Variants in TPST1 observed in about 807,000 individuals in gnomAD.
TPST1 encodes the protein protein-tyrosine sulfotransferase 1.
Under a neutral mutation model 34.8 loss-of-function variants are expected in TPST1, and 20 were observed. The ratio of observed to expected loss-of-function variants is 0.57; its 90% CI spans 0.40 to 0.84. The LOEUF (loss-of-function observed/expected upper bound fraction) is 0.84, where lower values mean the gene tolerates loss of function less well. TPST1 is among the 40% of genes least tolerant of loss of function. The probability of loss-of-function intolerance (pLI) is 0.00; values close to 1 mark genes in which losing one functional copy is unlikely to be tolerated. For missense variants in TPST1, 353 were observed against 455.5 expected, an observed-to-expected ratio of 0.78 and a Z score of 2.05; for synonymous variants, 152 against 159.4, an observed-to-expected ratio of 0.95 and a Z score of 0.35.
intron 1 of TPST1, among the ~76,000 whole-genome samples, chr7:66,217,203 C>G (rs943326126): frequency 2.6e-5 from 4 of 152,062 alleles, no homozygotes; most frequent in South Asian, 2.1e-4. Flanking sequence ...TTTGTTAGAT[C>G]TAGTTGATTT....
At chr7:66,309,039 A>G (rs1484171518) in intron 3 of TPST1, among the ~76,000 whole-genome samples, 1 of 152,174 alleles carries the variant, frequency 6.6e-6, no homozygotes, top group Non-Finnish European at 1.5e-5. Context: ...CTGGGATTAC[A>G]GGTGCCCGAC....
At chr7:66,275,003 G>A (rs1265844363) in intron 2 of TPST1, among the ~76,000 whole-genome samples, 2 of 152,034 alleles carry the variant, frequency 1.3e-5, no homozygotes, top group Non-Finnish European at 2.9e-5. Flanking sequence ...GACCATGCTG[G>A]CTAACACGGT....
chr7:66,324,939 T>TA (rs1210004871), intron 3 of TPST1, among the ~76,000 whole-genome samples: 1 of 152,194 alleles, frequency 6.6e-6, no homozygotes, highest in Non-Finnish European at 1.5e-5. Flanking sequence ...TTCTTTCTTA[T>TA]ATCAAAGTCT....
upstream of TPST1, among the ~76,000 whole-genome samples, chr7:66,201,804 G>A (rs997470026): frequency 6.7e-6 from 1 of 148,856 alleles, no homozygotes; most frequent in African/African-American, 2.5e-5. Flanking sequence ...AGTGAGCTAT[G>A]ACTATGCCAC....
intron 2 of TPST1, among the ~76,000 whole-genome samples, chr7:66,257,401 A>G (rs996706120): frequency 1.3e-5 from 2 of 152,234 alleles, no homozygotes; most frequent in East Asian, 1.9e-4. Flanking sequence ...CAGAAGTGTT[A>G]CTAGTCCATA....
chr7:66,240,203 A>G (rs765800472), intron 1 of TPST1, 122 bp from the exon 2 acceptor site: 11 of 582,032 alleles, frequency 1.9e-5, no homozygotes, highest in Non-Finnish European at 3.1e-5. Context: ...TTGTTTTAAG[A>G]ATATCAAAGA....
At chr7:66,282,966 T>C (rs2115905580) in intron 2 of TPST1, among the ~76,000 whole-genome samples, 1 of 152,310 alleles carries the variant, frequency 6.6e-6, no homozygotes, top group African/African-American at 2.4e-5. Context: ...CCTCACTTGC[T>C]ATTCTCTAAC....
At chr7:66,315,848 C>T (rs1298114133) in intron 3 of TPST1, among the ~76,000 whole-genome samples, 1 of 152,130 alleles carries the variant, frequency 6.6e-6, no homozygotes, top group African/African-American at 2.4e-5. Flanking sequence ...CGGTAGCACA[C>T]GCCTGTAATC....
intron 1 of TPST1, among the ~76,000 whole-genome samples, chr7:66,237,134 G>A (rs1789927646): frequency 6.6e-6 from 1 of 151,918 alleles, no homozygotes; most frequent in African/African-American, 2.4e-5. Context: ...CCTCTCACTC[G>A]CCTCCCACCT....
In TPST1 at chr7:66,251,170, A is replaced by G. The variant is rs142322275; in HGVS notation, c.845+9900A>G. Among the ~76,000 whole-genome samples the G allele has an allele frequency of 2.1e-3, 313 of 152,350 alleles. 1 individual carries two copies. The highest frequency in any genetic ancestry group is 6.9e-3 in the African/African-American group (286 of 41,586). ...ATAGGGTTGTCGTGAGGATTTAGTT[A>G]GAATGACTATAAAGCCCTTAGCCAA... On this transcript the variant is annotated intron_variant, in intron 2 of 5. Transcript: ENST00000304842.
At chr7:66,264,433 A>G (rs1348374567) in intron 2 of TPST1, among the ~76,000 whole-genome samples, 1 of 152,206 alleles carries the variant, frequency 6.6e-6, no homozygotes, top group Non-Finnish European at 1.5e-5. Context: ...AGCCTAAGGC[A>G]GAGTTAGAAG....
intron 3 of TPST1, among the ~76,000 whole-genome samples, chr7:66,325,501 C>A (rs1049613973): frequency 6.6e-6 from 1 of 151,974 alleles, no homozygotes; most frequent in Non-Finnish European, 1.5e-5. Flanking sequence ...CCCCCTCCCC[C>A]CAAGACAGGG....
At chr7:66,313,020 A>G (rs1791561751) in intron 3 of TPST1, among the ~76,000 whole-genome samples, 2 of 151,098 alleles carry the variant, frequency 1.3e-5, no homozygotes, top group East Asian at 1.9e-4. Context: ...GTACCTAGAC[A>G]TATTTTGCTG....
intron 3 of TPST1, among the ~76,000 whole-genome samples, chr7:66,324,965 G>A (rs1263162749): frequency 1.3e-5 from 2 of 152,126 alleles, no homozygotes; most frequent in Non-Finnish European, 2.9e-5. Flanking sequence ...TTGGTGGCTA[G>A]AGAGAACTTC....
intron 2 of TPST1, among the ~76,000 whole-genome samples, chr7:66,242,480 T>C (rs571827810): frequency 3.3e-5 from 5 of 152,324 alleles, no homozygotes; most frequent in African/African-American, 1.2e-4. Flanking sequence ...GCTGCCTGCC[T>C]GTACCAAGCT....
At chr7:66,217,809 C>T (rs1045575824) in intron 1 of TPST1, among the ~76,000 whole-genome samples, 2 of 151,796 alleles carry the variant, frequency 1.3e-5, no homozygotes, top group Admixed American at 6.6e-5. Context: ...TGGTTTTGAT[C>T]TCCTGACTTT....
chr7:66,225,048 G>A (rs1163327884), intron 1 of TPST1, among the ~76,000 whole-genome samples: 1 of 151,090 alleles, frequency 6.6e-6, no homozygotes, highest in Non-Finnish European at 1.5e-5. Flanking sequence ...CTCCTGAGTA[G>A]CAGGGATTAC....
At chr7:66,255,187 G>A (rs562361441) in intron 2 of TPST1, among the ~76,000 whole-genome samples, 2 of 150,960 alleles carry the variant, frequency 1.3e-5, no homozygotes, top group East Asian at 3.9e-4. Context: ...AGTGGGGACA[G>A]TTTGTTCCCT....
In TPST1 at chr7:66,338,257, A is replaced by T. The variant is rs114957162; in HGVS notation, c.1045-14248A>T. 2.1e-3 allele frequency among the ~76,000 whole-genome samples: 324 copies of T among 152,314 alleles called. 2 individuals carry two copies. Among genetic ancestry groups the T allele is most frequent in the African/African-American group, 7.6e-3 (317 of 41,568 alleles). On this transcript the variant is annotated intron_variant, in intron 3 of 5. Coordinates refer to ENST00000304842, the MANE Select transcript of TPST1 (RefSeq NM_003596.4). ...AAAGACAAGGCCATTATATAACGAC[A>T]AAGGGGTCAGTACAGCAAGAGGATA...
Sources: allele counts gnomAD v4.1 joint callset (sites outside exome capture counted in the v4.1 genomes callset), GRCh38; gene constraint gnomAD v4.1.1; transcripts MANE v1.5; gene names NCBI Gene and HGNC (gene_info 2026-07-23, HGNC 2026-07-21).